The following ETF1 variants were observed in gnomAD, a reference collection of about 807,000 sequenced individuals.
ETF1 encodes the protein eukaryotic translation termination factor 1.
Under a neutral mutation model 55.1 loss-of-function variants are expected in ETF1, and 4 were observed. That is an observed-to-expected ratio of 0.07 (90% confidence interval 0.04 to 0.17). The LOEUF (loss-of-function observed/expected upper bound fraction) is 0.17, where lower values mean the gene tolerates loss of function less well. Ranked by LOEUF, ETF1 falls within the 10% of genes least tolerant of loss-of-function variation. The probability of loss-of-function intolerance (pLI) is 1.00; values close to 1 mark genes in which losing one functional copy is unlikely to be tolerated. For missense variants in ETF1, 142 were observed against 523.6 expected (o/e 0.27, Z 7.11); for synonymous variants, 157 against 182.3 (o/e 0.86, Z 1.12).
rs1765569862 is a variant in ETF1 at position 138,528,563 on chromosome 5, GTTTT to G, written c.87-9700_87-9697del. On this transcript the variant is annotated intron_variant, in intron 2 of 10. Coordinates refer to ENST00000360541, the MANE Select transcript of ETF1 (RefSeq NM_004730.4). ...CAAAAGTGTAGCTTGCCTAAGAATTGTTTTTTGTTTGGTAGATTTCTACAAAGTT... is the reference window on the plus strand; with the variant it reads ...CAAAAGTGTAGCTTGCCTAAGAATTGTTGTTTGGTAGATTTCTACAAAGTT... 1.3e-5 allele frequency among the ~76,000 whole-genome samples: 2 copies of G among 152,114 alleles called. 1 individual carries two copies. The highest frequency in any genetic ancestry group is 2.9e-5 in the Non-Finnish European group (2 of 68,000).
At chr5:138,517,078 T>C (rs140126831) in intron 4 of ETF1, among the ~76,000 whole-genome samples, 1,853 of 152,236 alleles carry the variant, frequency 0.012, 15 homozygotes, top group Non-Finnish European at 0.017. Context: ...TTCCATTATA[T>C]AAAATGTCCA....
chr5:138,510,813 A>G (rs1355896533), intron 8 of ETF1, 184 bp from the exon 9 acceptor site: 1 of 654,012 alleles, frequency 1.5e-6, no homozygotes, highest in East Asian at 1.4e-4. Flanking sequence ...AAGGAACATC[A>G]GAGATGTTCA....
At chr5:138,528,135 T>C (rs561542423) in intron 2 of ETF1, among the ~76,000 whole-genome samples, 201 of 152,268 alleles carry the variant, frequency 1.3e-3, no homozygotes, top group African/African-American at 4.5e-3. Context: ...TTACAGAGAA[T>C]AGTTTCCTAA....
chr5:138,526,580 A>G (rs999744378), intron 2 of ETF1, among the ~76,000 whole-genome samples: 1 of 152,102 alleles, frequency 6.6e-6, no homozygotes, highest in African/African-American at 2.4e-5. Context: ...TCTGTTGCTC[A>G]GGCTGGAGTA....
At chr5:138,525,306 C>T (rs902271749) in intron 2 of ETF1, among the ~76,000 whole-genome samples, 5 of 151,608 alleles carry the variant, frequency 3.3e-5, no homozygotes, top group Non-Finnish European at 5.9e-5. Flanking sequence ...TACAGGCGTG[C>T]GCCACCACGC....
intron 2 of ETF1, among the ~76,000 whole-genome samples, chr5:138,534,266 G>A (rs1765823130): frequency 6.6e-6 from 1 of 152,190 alleles, no homozygotes; most frequent in South Asian, 2.1e-4. Context: ...ACATCTGGTA[G>A]AGTGTGTACA....
At chr5:138,517,525 T>C (rs2127081370) in intron 4 of ETF1, 36 bp downstream of exon 4, 1 of 1,388,326 alleles carries the variant, frequency 7.2e-7, no homozygotes, top group East Asian at 2.5e-5. Context: ...GAAAGAATTC[T>C]GGAGCGATGA....
chr5:138,517,824 G>A (rs1281695464), intron 3 of ETF1, 124 bp from the exon 4 acceptor site: 1 of 1,300,152 alleles, frequency 7.7e-7, no homozygotes, highest in Non-Finnish European at 9.8e-7. Context: ...AAATAAAGCA[G>A]AAAAAGCTTG....
chr5:138,510,353 G>A (rs6897807), intron 9 of ETF1, among the ~76,000 whole-genome samples: 101,128 of 109,006 alleles, frequency 0.93, 46,840 homozygotes, highest in East Asian at 0.99. Context: ...GCAAGACCTT[G>A]TCTCAAAAAA....
At chr5:138,538,187 G>A (rs1034813240) in intron 2 of ETF1, among the ~76,000 whole-genome samples, 1 of 146,822 alleles carries the variant, frequency 6.8e-6, no homozygotes, top group African/African-American at 2.6e-5. Context: ...ACCACGCCCG[G>A]CCTGGGCCCC....
At chr5:138,541,444 G>A (rs1211061635) in intron 2 of ETF1, 4 of 1,092,690 alleles carry the variant, frequency 3.7e-6, no homozygotes, top group African/African-American at 3.1e-5. Flanking sequence ...ACTGAATGGG[G>A]CCAAACTTTT....
intron 2 of ETF1, among the ~76,000 whole-genome samples, chr5:138,530,885 T>G (rs186423407): frequency 4.3e-4 from 65 of 152,334 alleles, no homozygotes; most frequent in Non-Finnish European, 8.7e-4. Flanking sequence ...AAGATTCTAA[T>G]GCAGAACTAG....
chr5:138,542,442 G>A (rs767947036), intron 2 of ETF1, among the ~76,000 whole-genome samples: 2 of 152,200 alleles, frequency 1.3e-5, no homozygotes, highest in East Asian at 1.9e-4. Context: ...GAAGGGAGAA[G>A]AGGAAATCAG....
intron 9 of ETF1, 119 bp downstream of exon 9, chr5:138,510,446 A>G (rs959427614): frequency 1.4e-5 from 7 of 506,464 alleles, no homozygotes; most frequent in Non-Finnish European, 2.2e-5. Flanking sequence ...ACCACCTCCC[A>G]CAGCACCCCC....
intron 2 of ETF1, among the ~76,000 whole-genome samples, chr5:138,532,405 C>G (rs1284471378): frequency 6.6e-6 from 1 of 152,282 alleles, no homozygotes; most frequent in Admixed American, 6.5e-5. Context: ...CTACTTACTT[C>G]ACAAGATCAT....
intron 2 of ETF1, among the ~76,000 whole-genome samples, chr5:138,535,724 A>G (rs1765897122): frequency 6.7e-6 from 1 of 150,304 alleles, no homozygotes; most frequent in Non-Finnish European, 1.5e-5. Context: ...GTCTCAAAAA[A>G]AAAAAAAGAA....
chr5:138,519,348 C>T (rs923807906), intron 2 of ETF1: 1 of 229,376 alleles, frequency 4.4e-6, no homozygotes, highest in African/African-American at 2.3e-5. Context: ...GTGGAAGTCA[C>T]AGAAATGTCC....
chr5:138,515,005 G>T (rs1384102117), intron 4 of ETF1, among the ~76,000 whole-genome samples: 1 of 152,126 alleles, frequency 6.6e-6, no homozygotes, highest in Non-Finnish European at 1.5e-5. Context: ...GGATTACATA[G>T]GTGTGAGCCA....
chr5:138,526,040 A>G (rs542944114), intron 2 of ETF1, among the ~76,000 whole-genome samples: 1 of 152,082 alleles, frequency 6.6e-6, no homozygotes, highest in Non-Finnish European at 1.5e-5. Flanking sequence ...TGAGATCCTT[A>G]TAGATTATTG....
Sources: allele counts gnomAD v4.1 joint callset (sites outside exome capture counted in the v4.1 genomes callset), GRCh38; gene constraint gnomAD v4.1.1; transcripts MANE v1.5; gene names NCBI Gene and HGNC (gene_info 2026-07-23, HGNC 2026-07-21).